MCPH1: variants seen among roughly 807,000 people sequenced by gnomAD.
MCPH1 encodes microcephalin.
MCPH1 carries 104 observed loss-of-function variants against 84.5 expected under a neutral mutation model. The observed-to-expected ratio is 1.23, with a 90% confidence interval of 1.05 to 1.45. The LOEUF is 1.45. MCPH1 is among the 40% of genes most tolerant of loss of function. The probability of loss-of-function intolerance (pLI) is 0.00; values close to 1 mark genes in which losing one functional copy is unlikely to be tolerated. For synonymous variants in MCPH1, 514 were observed against 366.8 expected (o/e 1.40, Z -4.58); for missense variants, 1,498 against 1,005.7 (o/e 1.49, Z -6.62).
At chr8:6,640,908 C>G (rs1197940647) in intron 13 of MCPH1, among the ~76,000 whole-genome samples, 1 of 152,132 alleles carries the variant, frequency 6.6e-6, no homozygotes, top group East Asian at 1.9e-4. Flanking sequence ...CTATATTGCC[C>G]CCTGTGAGTC....
At position 6,646,184 on chromosome 8, in the gene MCPH1, G is replaced by C. The variant is rs554570061; in HGVS notation, c.*3135G>C. ...TCACATCTGTAATACCAGCTCTCTGGGAGGCTGAGGCGGGTGGATCACTTG... is the reference window on the plus strand; with the variant it reads ...TCACATCTGTAATACCAGCTCTCTGCGAGGCTGAGGCGGGTGGATCACTTG... On this transcript the variant is annotated 3_prime_UTR_variant, in exon 14 of 14. Transcript: ENST00000344683. 1 of 152,160 alleles carries C rather than the reference G, an allele frequency of 6.6e-6. No homozygotes were observed. The highest frequency in any genetic ancestry group is 1.5e-5 in the Non-Finnish European group (1 of 68,040). The allele number at this position is 152,160 out of a possible 1,614,324, so 9.4% of individuals were successfully genotyped here.
intron 12 of MCPH1, among the ~76,000 whole-genome samples, chr8:6,554,717 T>G (rs968204686): frequency 6.6e-6 from 1 of 152,176 alleles, no homozygotes; most frequent in African/African-American, 2.4e-5. Flanking sequence ...ACCAGTCTGA[T>G]TTTGGAGAAA....
rs373548565 is a variant in MCPH1 at position 6,643,035 on chromosome 8, C to T, written c.2494C>T (p.Leu832=). 3.1e-6 allele frequency: 5 copies of T among 1,614,012 alleles called. No individual in the cohort carries two copies. Among genetic ancestry groups the T allele is most frequent in the African/African-American group, 2.7e-5 (2 of 75,034 alleles). ...CAAGGTCTGTGCCCCTGAAAACTAC[C>T]TATTGTCACAATGACAGTGACCTCA... The part of the protein sequence containing the change: ...QHKVCAPENY[L]LSQ The change falls in exon 14 of 14, where the codon CTA becomes TTA. Residue 832 remains leucine, a synonymous_variant. Coordinates refer to ENST00000344683, the MANE Select transcript of MCPH1 (RefSeq NM_024596.5).
At chr8:6,498,395 T>C (rs921047299) in intron 11 of MCPH1, among the ~76,000 whole-genome samples, 9 of 152,210 alleles carry the variant, frequency 5.9e-5, no homozygotes, top group Non-Finnish European at 1.2e-4. Flanking sequence ...GATTTGATTG[T>C]TTTAATACAA....
chr8:6,493,081 G>T (rs1293576047), intron 11 of MCPH1, among the ~76,000 whole-genome samples: 2 of 152,098 alleles, frequency 1.3e-5, no homozygotes, highest in Non-Finnish European at 2.9e-5. Context: ...GTTTATTTTA[G>T]TTGCATTGGA....
chr8:6,417,353 G>C (rs1051363576), intron 3 of MCPH1, among the ~76,000 whole-genome samples: 1 of 152,192 alleles, frequency 6.6e-6, no homozygotes, highest in East Asian at 1.9e-4. Flanking sequence ...TGGTGTGAAA[G>C]GCGTAATAGA....
At chr8:6,505,210 TATATATATATATTCTTATGTATATATAGA>T (rs1217418434) in intron 12 of MCPH1, among the ~76,000 whole-genome samples, 1 of 59,038 alleles carries the variant, frequency 1.7e-5, no homozygotes, top group East Asian at 1.1e-3. Flanking sequence ...ATATATAGAA[TATATATATATATTCTTATGTATATATAGA>T]ATATATATTC....
intron 12 of MCPH1, among the ~76,000 whole-genome samples, chr8:6,524,763 T>A (rs142486002): frequency 8.3e-4 from 126 of 152,336 alleles, no homozygotes; most frequent in African/African-American, 2.7e-3. Context: ...ACTACCCTTG[T>A]GGCCATGTAA....
At chr8:6,528,103 G>A (rs1322828638) in intron 12 of MCPH1, among the ~76,000 whole-genome samples, 1 of 152,022 alleles carries the variant, frequency 6.6e-6, no homozygotes, top group East Asian at 1.9e-4. Context: ...CACCATGTTG[G>A]CCAGGCTGGT....
In MCPH1 at chr8:6,540,878, C is replaced by G. The variant is rs140464110; in HGVS notation, c.2214+40949C>G. Among the ~76,000 whole-genome samples the G allele has an allele frequency of 2.8e-3, 428 of 152,368 alleles. 9 individuals are homozygous for G. In the East Asian group the frequency reaches 0.063, roughly 22 times the overall value. On this transcript the variant is annotated intron_variant, in intron 12 of 13. Transcript: ENST00000344683. ...ACTCAGGCGGCCACCGCCGCGCTGG[C>G]TGGTAAGAAGCCCCACAGGATCTCC...
rs769713246 is a variant in MCPH1 at position 6,644,630 on chromosome 8, G to A, written c.*1581G>A. 6.6e-6 allele frequency: 1 copy of A among 152,134 alleles called. No homozygotes were observed. Among genetic ancestry groups the A allele is most frequent in the Non-Finnish European group, 1.5e-5 (1 of 68,036 alleles). 9.4% of individuals were successfully genotyped at this position (152,134 alleles called of 1,614,324 possible). On this transcript the variant is annotated 3_prime_UTR_variant, in exon 14 of 14. Transcript: ENST00000344683. Reference sequence around the variant, plus strand: ...AATACCTAGGAACACGTATAACCAAGGAGGCAAAGGATCTCTACAAGGAGA... The same window carrying A: ...AATACCTAGGAACACGTATAACCAAAGAGGCAAAGGATCTCTACAAGGAGA...
chr8:6,412,386 A>G (rs185006119), intron 2 of MCPH1, among the ~76,000 whole-genome samples: 158 of 152,336 alleles, frequency 1.0e-3, no homozygotes, highest in African/African-American at 3.8e-3. Context: ...TTTTGGTTTC[A>G]CCTTTTATTT....
intron 13 of MCPH1, chr8:6,635,203 G>T (rs1043816244): frequency 6.6e-6 from 1 of 152,184 alleles, no homozygotes; most frequent in Non-Finnish European, 1.5e-5. Context: ...ATGAGGCTCC[G>T]GTTGTTCATT....
At chr8:6,501,037 C>G (rs1812073454) in intron 12 of MCPH1, 1 of 152,202 alleles carries the variant, frequency 6.6e-6, no homozygotes, top group Non-Finnish European at 1.5e-5. Context: ...TGTTTTTCAA[C>G]TTGATACAAG....
At chr8:6,516,828 T>C (rs1274520836) in intron 12 of MCPH1, among the ~76,000 whole-genome samples, 1 of 152,206 alleles carries the variant, frequency 6.6e-6, no homozygotes, top group African/African-American at 2.4e-5. Flanking sequence ...TAAATACATG[T>C]TCTATCTTGT....
intron 12 of MCPH1, among the ~76,000 whole-genome samples, chr8:6,593,584 C>A (rs1489005755): frequency 6.6e-6 from 1 of 152,112 alleles, no homozygotes; most frequent in East Asian, 1.9e-4. Flanking sequence ...AGACTCCTGA[C>A]CTCAGGTGAT....
intron 12 of MCPH1, among the ~76,000 whole-genome samples, chr8:6,546,149 G>T: frequency 6.6e-6 from 1 of 152,238 alleles, no homozygotes; most frequent in Admixed American, 6.5e-5. Context: ...TGCTATGCTA[G>T]TGTGAAAATT....
At chr8:6,426,874 A>G (rs942556423) in intron 3 of MCPH1, among the ~76,000 whole-genome samples, 4 of 152,154 alleles carry the variant, frequency 2.6e-5, no homozygotes, top group East Asian at 1.9e-4. Context: ...ATGCTACACA[A>G]TTTGTCCAAT....
intron 11 of MCPH1, among the ~76,000 whole-genome samples, chr8:6,488,845 A>C (rs983355621): frequency 3.3e-5 from 5 of 152,084 alleles, no homozygotes; most frequent in African/African-American, 1.2e-4. Flanking sequence ...GGAGGCAGCT[A>C]GGGTCATCGA....
Sources: allele counts gnomAD v4.1 joint callset (sites outside exome capture counted in the v4.1 genomes callset), GRCh38; gene constraint gnomAD v4.1.1; transcripts MANE v1.5; gene names NCBI Gene and HGNC (gene_info 2026-07-23, HGNC 2026-07-21).